ST6GAL2: variants seen among roughly 807,000 people sequenced by gnomAD.
ST6GAL2 encodes beta-galactoside alpha-2,6-sialyltransferase 2.
A neutral mutation model predicts 37.5 loss-of-function variants in ST6GAL2; 24 were observed. The observed-to-expected ratio is 0.64, with a 90% CI of 0.46 to 0.90. The LOEUF (loss-of-function observed/expected upper bound fraction) is 0.90, where lower values mean the gene tolerates loss of function less well. ST6GAL2 is among the 40% of genes least tolerant of loss of function. The probability of loss-of-function intolerance (pLI) is 0.00; values close to 1 mark genes in which losing one functional copy is unlikely to be tolerated. For synonymous variants in ST6GAL2, 306 were observed against 295.1 expected, an observed-to-expected ratio of 1.04 and a Z score of -0.38; for missense variants, 715 against 712.7, an observed-to-expected ratio of 1.00 and a Z score of -0.04.
intron 5 of ST6GAL2, among the ~76,000 whole-genome samples, chr2:106,815,890 A>G (rs1675783320): frequency 1.3e-5 from 2 of 152,190 alleles, no homozygotes; most frequent in African/African-American, 2.4e-5. Context: ...GTGAGAGTCT[A>G]TAAGATGACA....
intron 5 of ST6GAL2, among the ~76,000 whole-genome samples, chr2:106,807,618 A>ATTCAG (rs953831773): frequency 3.7e-4 from 53 of 143,634 alleles, no homozygotes; most frequent in African/African-American, 1.2e-3. Context: ...ATCATCACTG[A>ATTCAG]GTACATTTTA....
chr2:106,845,146 G>T (rs1677091785), intron 1 of ST6GAL2, among the ~76,000 whole-genome samples: 1 of 152,160 alleles, frequency 6.6e-6, no homozygotes, highest in African/African-American at 2.4e-5. Context: ...GCGTTTTGCA[G>T]AGGGCCTTGT....
intron 5 of ST6GAL2, among the ~76,000 whole-genome samples, chr2:106,826,929 C>T (rs948120177): frequency 1.3e-5 from 2 of 152,200 alleles, no homozygotes; most frequent in South Asian, 4.1e-4. Flanking sequence ...TGGATCAGAA[C>T]AATCGGAGGC....
chr2:106,880,401 A>C (rs2104653957), intron 1 of ST6GAL2, among the ~76,000 whole-genome samples: 1 of 152,342 alleles, frequency 6.6e-6, no homozygotes, highest in Admixed American at 6.5e-5. Context: ...GATTCCAGTC[A>C]TCAGCCTGGG....
intron 2 of ST6GAL2, among the ~76,000 whole-genome samples, chr2:106,842,426 T>G (rs975725040): frequency 1.3e-5 from 2 of 152,190 alleles, no homozygotes; most frequent in African/African-American, 4.8e-5. Flanking sequence ...AAGGTTGGAT[T>G]TGCGCCAACA....
chr2:106,865,777 G>A (rs1013261178), intron 1 of ST6GAL2, among the ~76,000 whole-genome samples: 24 of 152,330 alleles, frequency 1.6e-4, no homozygotes, highest in African/African-American at 5.5e-4. Context: ...TTAAAGGGAT[G>A]TGGGACTGGA....
rs1239885285 is a variant in ST6GAL2, at chr2:106,843,002, A to G, written c.943+33T>C. 3.7e-6 allele frequency: 5 copies of G among 1,343,346 alleles called. No individual in the cohort carries two copies. In the African/African-American group the frequency reaches 7.6e-5, roughly 20 times the overall value. The allele number at this position is 1,343,346 out of a possible 1,614,324, so 83.2% of individuals were successfully genotyped here. On this transcript the variant is annotated intron_variant, in intron 2 of 5. Transcript: ENST00000409382. ...GCCCCCAGGGACACACTGGCTCAAGACAGGGCGACCTGGTCCCCCCGCTGA... is the reference window on the plus strand; with the variant it reads ...GCCCCCAGGGACACACTGGCTCAAGGCAGGGCGACCTGGTCCCCCCGCTGA...
chr2:106,831,212 G>A (rs1375249314), intron 4 of ST6GAL2, among the ~76,000 whole-genome samples: 2 of 152,216 alleles, frequency 1.3e-5, no homozygotes, highest in Non-Finnish European at 2.9e-5. Context: ...TGTGGCACTG[G>A]CAAGGGAGCA....
At chr2:106,852,230 T>G (rs1319698381) in intron 1 of ST6GAL2, among the ~76,000 whole-genome samples, 1 of 152,194 alleles carries the variant, frequency 6.6e-6, no homozygotes, top group African/African-American at 2.4e-5. Context: ...GACATCCCCC[T>G]CTCTAAGGAG....
intron 2 of ST6GAL2, among the ~76,000 whole-genome samples, chr2:106,839,087 G>A (rs547075271): frequency 6.6e-6 from 1 of 151,996 alleles, no homozygotes; most frequent in African/African-American, 2.4e-5. Flanking sequence ...TTTGAACAGG[G>A]CCTTGTCTGT....
At chr2:106,829,929 A>C (rs1438465864) in intron 5 of ST6GAL2, 137 bp downstream of exon 5, 1 of 861,540 alleles carries the variant, frequency 1.2e-6, no homozygotes, top group Non-Finnish European at 1.8e-6. Context: ...AAAAAAATCC[A>C]AAATCAGAAA....
chr2:106,868,170 T>G (rs1573307836), intron 1 of ST6GAL2, among the ~76,000 whole-genome samples: 1 of 152,202 alleles, frequency 6.6e-6, no homozygotes, highest in Non-Finnish European at 1.5e-5. Context: ...TTTAAAATAC[T>G]GTTTGTCAAA....
At chr2:106,871,238 C>A (rs974227143) in intron 1 of ST6GAL2, among the ~76,000 whole-genome samples, 1 of 152,130 alleles carries the variant, frequency 6.6e-6, no homozygotes, top group Admixed American at 6.5e-5. Flanking sequence ...AATGGTACAG[C>A]TGTATAGGAC....
intron 1 of ST6GAL2, among the ~76,000 whole-genome samples, chr2:106,846,779 G>A (rs891640009): frequency 2.0e-5 from 3 of 152,192 alleles, no homozygotes; most frequent in East Asian, 3.8e-4. Context: ...GCCAAGAAGC[G>A]AGCGTAGAAG....
At chr2:106,836,774 A>C (rs1461950243) in intron 2 of ST6GAL2, among the ~76,000 whole-genome samples, 1 of 6,822 alleles carries the variant, frequency 1.5e-4, no homozygotes, top group Non-Finnish European at 3.0e-4. Flanking sequence ...CTAAAAATAC[A>C]AAAAAAAAAA....
At position 106,804,591 on chromosome 2, in the gene ST6GAL2, C is replaced by T. The variant is rs1675356694; in HGVS notation, c.*2087G>A. 6.6e-6 allele frequency: 1 copy of T among 152,126 alleles called. No homozygotes were observed. The highest frequency in any genetic ancestry group is 6.6e-5 in the Admixed American group (1 of 15,266). The allele number at this position is 152,126 out of a possible 1,614,324, so 9.4% of individuals were successfully genotyped here. A position where few individuals can be genotyped will look rare whatever the true frequency, so the allele number is the denominator to read the frequency against. On this transcript the variant is annotated 3_prime_UTR_variant, in exon 6 of 6. Transcript: ENST00000409382. Reference sequence around the variant, plus strand: ...CGGTGGTGGCTCACGCCTATAATCCCATCACTTTGGGAGGCCGAGGCAGGC... The same window carrying T: ...CGGTGGTGGCTCACGCCTATAATCCTATCACTTTGGGAGGCCGAGGCAGGC...
At chr2:106,810,675 T>G (rs1056617801) in intron 5 of ST6GAL2, among the ~76,000 whole-genome samples, 1 of 148,296 alleles carries the variant, frequency 6.7e-6, no homozygotes, top group Non-Finnish European at 1.5e-5. Context: ...GAGTAGGGCG[T>G]GCAGTGGCTC....
At chr2:106,879,710 C>A (rs1678662546) in intron 1 of ST6GAL2, among the ~76,000 whole-genome samples, 1 of 146,116 alleles carries the variant, frequency 6.8e-6, no homozygotes, top group Admixed American at 6.9e-5. Context: ...TTATATAGAC[C>A]AATTATATAT....
intron 1 of ST6GAL2, among the ~76,000 whole-genome samples, chr2:106,849,540 T>C (rs541950054): frequency 2.6e-5 from 4 of 152,332 alleles, no homozygotes; most frequent in South Asian, 4.1e-4. Context: ...GAAATGGCCA[T>C]GCAAAGCTGT....
Sources: allele counts gnomAD v4.1 joint callset (sites outside exome capture counted in the v4.1 genomes callset), GRCh38; gene constraint gnomAD v4.1.1; transcripts MANE v1.5; gene names NCBI Gene and HGNC (gene_info 2026-07-23, HGNC 2026-07-21).